Variants in TNS3 observed in about 807,000 individuals in gnomAD.
TNS3 encodes tensin 3.
A neutral mutation model predicts 140.9 loss-of-function variants in TNS3; 45 were observed. The observed-to-expected ratio is 0.32, with a 90% CI of 0.25 to 0.41. The LOEUF (loss-of-function observed/expected upper bound fraction) is 0.41, where lower values mean the gene tolerates loss of function less well. Ranked by LOEUF, TNS3 falls within the 10% of genes least tolerant of loss-of-function variation. The probability of loss-of-function intolerance (pLI) is 1.00; values close to 1 mark genes in which losing one functional copy is unlikely to be tolerated. For synonymous variants in TNS3, 815 were observed against 788.4 expected (o/e 1.03, Z -0.56); for missense variants, 1,716 against 1,906.7 (o/e 0.90, Z 1.86).
At position 47,512,117 on chromosome 7, in the gene TNS3, C is replaced by T. The variant is rs1315320896; in HGVS notation, c.-152-5173G>A. Among the ~76,000 whole-genome samples, 5 of 152,248 alleles carry T rather than the reference C, an allele frequency of 3.3e-5. 1 individual carries two copies. Among genetic ancestry groups the T allele is most frequent in the Admixed American group, 3.3e-4 (5 of 15,294 alleles). ...GCAGGTTAAGCAGTGACACCAGCTG[C>T]CAGCCCAGCTCTAGATGGGCAGAGC... On this transcript the variant is annotated intron_variant, in intron 2 of 30. Coordinates refer to ENST00000311160, the MANE Select transcript of TNS3 (RefSeq NM_022748.12).
chr7:47,400,673 T>C lies in TNS3; in HGVS notation c.853+112A>G, dbSNP rs1350555687. ...ATTTTCTCCTACTTTGGGAACAATT[T>C]TGTCAGTAGGCTGAATTTTGGAAAG... On this transcript the variant is annotated intron_variant, in intron 14 of 30. Transcript: ENST00000311160. 3 of 1,515,786 alleles carry C rather than the reference T, an allele frequency of 2.0e-6. No individual in the cohort carries two copies. The African/African-American group carries it at 4.2e-5, about 21-fold the overall frequency. The allele number at this position is 1,515,786 out of a possible 1,614,324, so 93.9% of individuals were successfully genotyped here. A position where few individuals can be genotyped will look rare whatever the true frequency, so the allele number is the denominator to read the frequency against.
At chr7:47,353,081 C>T (rs975263288) in intron 17 of TNS3, among the ~76,000 whole-genome samples, 2 of 152,204 alleles carry the variant, frequency 1.3e-5, no homozygotes, top group African/African-American at 4.8e-5. Context: ...CAATGCTCAC[C>T]TCTCCAGAGA....
chr7:47,499,627 A>C (rs1276063297), intron 3 of TNS3, among the ~76,000 whole-genome samples: 1 of 152,218 alleles, frequency 6.6e-6, no homozygotes, highest in Non-Finnish European at 1.5e-5. Context: ...AAAAGGCTAC[A>C]CATGTATGAT....
chr7:47,458,414 G>A (rs1263214889), intron 4 of TNS3, among the ~76,000 whole-genome samples: 1 of 152,246 alleles, frequency 6.6e-6, no homozygotes, highest in East Asian at 1.9e-4. Flanking sequence ...TCATGAGTCA[G>A]TGGCTCACAT....
intron 1 of TNS3, among the ~76,000 whole-genome samples, chr7:47,543,449 C>T (rs1254200619): frequency 1.3e-5 from 2 of 152,200 alleles, no homozygotes; most frequent in Non-Finnish European, 2.9e-5. Context: ...ACTTCCAGTC[C>T]CTGCGGTGAG....
At chr7:47,390,216 T>C (rs1478511551) in intron 16 of TNS3, among the ~76,000 whole-genome samples, 1 of 152,202 alleles carries the variant, frequency 6.6e-6, no homozygotes, top group Non-Finnish European at 1.5e-5. Context: ...CCTCCTCCAC[T>C]AAAGTTGTCA....
At chr7:47,388,528 A>T (rs1026248879) in intron 16 of TNS3, among the ~76,000 whole-genome samples, 3 of 152,168 alleles carry the variant, frequency 2.0e-5, no homozygotes, top group Admixed American at 6.5e-5. Flanking sequence ...ACAGCAGAGG[A>T]AAGTGAAAAG....
intron 20 of TNS3, among the ~76,000 whole-genome samples, chr7:47,341,179 C>T (rs1011763590): frequency 1.3e-5 from 2 of 152,078 alleles, no homozygotes; most frequent in African/African-American, 2.4e-5. Context: ...TCTGAATCTG[C>T]GAGGGATATT....
intron 20 of TNS3, among the ~76,000 whole-genome samples, chr7:47,320,245 C>T (rs1197919430): frequency 1.3e-5 from 2 of 152,178 alleles, no homozygotes; most frequent in African/African-American, 4.8e-5. Flanking sequence ...TTCAGCACTT[C>T]CCCTCACCTG....
chr7:47,340,712 A>G (rs1286662907), intron 20 of TNS3, among the ~76,000 whole-genome samples: 1 of 151,746 alleles, frequency 6.6e-6, no homozygotes, highest in East Asian at 1.9e-4. Context: ...TGTCAGCAGC[A>G]GACTCAAGAT....
Position 47,276,376 on chromosome 7 carries a change from CCTGTTT to C in TNS3, c.*1694_*1699del, listed in dbSNP as rs1784870909. ...TGTGATTTGGCTGCTTCCAACTCTG[CCTGTTT>C]CTAAGTTTTCCTCGGCCCCTCACTT... is the stretch of plus-strand genomic sequence containing the variant. On this transcript the variant is annotated 3_prime_UTR_variant, in exon 31 of 31. Coordinates refer to ENST00000311160, the MANE Select transcript of TNS3 (RefSeq NM_022748.12). 1 of 152,700 alleles carries C rather than the reference CCTGTTT, an allele frequency of 6.5e-6. No individual in the cohort carries two copies. Among genetic ancestry groups the C allele is most frequent in the Non-Finnish European group, 1.5e-5 (1 of 68,260 alleles). 9.5% of individuals were successfully genotyped at this position (152,700 alleles called of 1,614,324 possible).
intron 4 of TNS3, among the ~76,000 whole-genome samples, chr7:47,444,715 T>A (rs1256414046): frequency 6.6e-6 from 1 of 151,950 alleles, no homozygotes; most frequent in Non-Finnish European, 1.5e-5. Context: ...CTGAATCCAA[T>A]TCAGCATTAT....
intron 9 of TNS3, among the ~76,000 whole-genome samples, chr7:47,426,905 A>C (rs576225606): frequency 6.6e-6 from 1 of 152,102 alleles, no homozygotes; most frequent in South Asian, 2.1e-4. Context: ...GTGAGTGATC[A>C]CCTGAGGTCG....
chr7:47,522,942 T>C (rs1444421463), intron 2 of TNS3, among the ~76,000 whole-genome samples: 2 of 113,216 alleles, frequency 1.8e-5, no homozygotes, highest in African/African-American at 3.0e-5. Flanking sequence ...AAAAAAAGAG[T>C]TTCTATTGTT....
chr7:47,505,149 A>G (rs1325758164), intron 3 of TNS3, among the ~76,000 whole-genome samples: 1 of 152,136 alleles, frequency 6.6e-6, no homozygotes, highest in Non-Finnish European at 1.5e-5. Context: ...AGCCGACCCA[A>G]GGTGCAAGCA....
At chr7:47,483,697 G>A (rs887218035) in intron 3 of TNS3, among the ~76,000 whole-genome samples, 1 of 152,136 alleles carries the variant, frequency 6.6e-6, no homozygotes, top group African/African-American at 2.4e-5. Context: ...GTGCAATAAC[G>A]GCCCACCACC....
At chr7:47,478,775 T>C (rs1797295952) in intron 4 of TNS3, among the ~76,000 whole-genome samples, 1 of 152,102 alleles carries the variant, frequency 6.6e-6, no homozygotes, top group Non-Finnish European at 1.5e-5. Context: ...ATAACATACA[T>C]ATTCATTTGT....
intron 1 of TNS3, among the ~76,000 whole-genome samples, chr7:47,540,088 G>A (rs1019619413): frequency 6.6e-6 from 1 of 152,142 alleles, no homozygotes; most frequent in African/African-American, 2.4e-5. Context: ...TTCGTGCTTT[G>A]CCACAATCCT....
chr7:47,440,627 C>T (rs1795419758), intron 5 of TNS3, among the ~76,000 whole-genome samples: 1 of 152,156 alleles, frequency 6.6e-6, no homozygotes, highest in South Asian at 2.1e-4. Context: ...CTCCACCAGC[C>T]CTGTGGGCCC....
Sources: allele counts gnomAD v4.1 joint callset (sites outside exome capture counted in the v4.1 genomes callset), GRCh38; gene constraint gnomAD v4.1.1; transcripts MANE v1.5; gene names NCBI Gene and HGNC (gene_info 2026-07-23, HGNC 2026-07-21).